Variants in MVK observed in about 807,000 individuals in gnomAD.
MVK encodes the protein LH receptor mRNA-binding protein.
Under a neutral mutation model 43.2 loss-of-function variants are expected in MVK, and 34 were observed. The observed-to-expected ratio is 0.79, with a 90% CI of 0.60 to 1.05. The LOEUF (loss-of-function observed/expected upper bound fraction) is 1.05. MVK is among the 50% of genes least tolerant of loss of function. The probability of loss-of-function intolerance (pLI) is 0.00; values close to 1 mark genes in which losing one functional copy is unlikely to be tolerated. For synonymous variants in MVK, 190 were observed against 219.8 expected (o/e 0.86, Z 1.20); for missense variants, 395 against 504.0 (o/e 0.78, Z 2.07).
At chr12:109,593,629 G>C (rs985865829) in intron 9 of MVK, among the ~76,000 whole-genome samples, 7 of 151,380 alleles carry the variant, frequency 4.6e-5, no homozygotes, top group Admixed American at 6.6e-5. Context: ...TGATGCTAAC[G>C]TACCCATAAA....
chr12:109,576,198 C>A, intron 3 of MVK, 53 bp downstream of exon 3: 1 of 1,610,780 alleles, frequency 6.2e-7, no homozygotes, highest in Non-Finnish European at 8.5e-7. Context: ...GAGAGGGCAG[C>A]TGGCCAGGTA....
intron 3 of MVK, among the ~76,000 whole-genome samples, chr12:109,577,894 A>G (rs1039343902): frequency 2.6e-5 from 4 of 152,212 alleles, no homozygotes; most frequent in African/African-American, 9.7e-5. Flanking sequence ...CAAGGTGCAC[A>G]GGGCCACCCA....
chr12:109,579,420 A>T, intron 3 of MVK: 1 of 357,378 alleles, frequency 2.8e-6, no homozygotes, highest in Non-Finnish European at 5.5e-6. Flanking sequence ...GGTTACAGGC[A>T]TAAGCGCCTG....
In MVK at chr12:109,595,286, C is replaced by T; in HGVS notation, c.1039+105C>T. 3.5e-6 allele frequency: 5 copies of T among 1,445,630 alleles called. No homozygotes were observed. Among genetic ancestry groups the T allele is most frequent in the Non-Finnish European group, 4.7e-6 (5 of 1,065,400 alleles). 89.6% of individuals were successfully genotyped at this position (1,445,630 alleles called of 1,614,324 possible). On this transcript the variant is annotated intron_variant, in intron 10 of 10. Coordinates refer to ENST00000228510, the MANE Select transcript of MVK (RefSeq NM_000431.4). The surrounding 1 kb of genome is among the most constrained non-coding windows in gnomAD (Gnocchi z 5.9). Reference sequence around the variant, plus strand: ...AAAGAGACCTGGAAACAGGTCTCAGCTCCGCTGTGTGGCCTTGGGCAAGTT... The same window carrying T: ...AAAGAGACCTGGAAACAGGTCTCAGTTCCGCTGTGTGGCCTTGGGCAAGTT...
chr12:109,581,728 G>T (rs1885227024), intron 5 of MVK, among the ~76,000 whole-genome samples, 178 bp downstream of exon 5: 1 of 152,172 alleles, frequency 6.6e-6, no homozygotes, highest in Non-Finnish European at 1.5e-5. Context: ...CACAGCTAGT[G>T]CTGGCAGAGT....
intron 4 of MVK, among the ~76,000 whole-genome samples, chr12:109,580,665 C>T (rs1344447022): frequency 1.3e-5 from 2 of 152,112 alleles, no homozygotes; most frequent in South Asian, 2.1e-4. Context: ...AATTTGAAGA[C>T]GCACATTATT....
chr12:109,585,010 A>G (rs1478447131), intron 5 of MVK, among the ~76,000 whole-genome samples: 1 of 152,234 alleles, frequency 6.6e-6, no homozygotes, highest in Non-Finnish European at 1.5e-5. Context: ...GCAGAAAGGA[A>G]ACAAAAGCTG....
At chr12:109,576,253 G>C in intron 3 of MVK, 108 bp downstream of exon 3, 1 of 1,417,832 alleles carries the variant, frequency 7.1e-7, no homozygotes, top group Non-Finnish European at 9.8e-7. Flanking sequence ...TATTTCCCGG[G>C]TGTTTTCTAC....
intron 9 of MVK, among the ~76,000 whole-genome samples, chr12:109,592,811 C>T (rs1054916330): frequency 1.3e-5 from 2 of 152,166 alleles, no homozygotes; most frequent in Non-Finnish European, 2.9e-5. Context: ...CCATCGAATT[C>T]CTGTGTTTCG....
chr12:109,574,105 A>T (rs1028471850), intron 1 of MVK, among the ~76,000 whole-genome samples: 1 of 152,228 alleles, frequency 6.6e-6, no homozygotes, highest in African/African-American at 2.4e-5. Context: ...CTTAGCTCAT[A>T]GTACACCTGA....
At position 109,596,827 on chromosome 12, in the gene MVK, T is replaced by G; in HGVS notation, c.*250T>G. The G allele has an allele frequency of 1.7e-6, 1 of 582,818 alleles. No individual in the cohort carries two copies. The allele number at this position is 582,818 out of a possible 1,614,324, so 36.1% of individuals were successfully genotyped here. A position where few individuals can be genotyped will look rare whatever the true frequency, so the allele number is the denominator to read the frequency against. ...GGAGGGTCCTCTGAGACTCCAGACC[T>G]GAGGCGAGAAGGGCTGCTTCCCTGA... is the stretch of plus-strand genomic sequence containing the variant. On this transcript the variant is annotated 3_prime_UTR_variant, in exon 11 of 11. Transcript: ENST00000228510.
At chr12:109,587,965 C>T (rs1420620971) in intron 7 of MVK, 2 of 152,292 alleles carry the variant, frequency 1.3e-5, no homozygotes, top group African/African-American at 4.8e-5. Flanking sequence ...CCAGACATTG[C>T]TTAGTGTCCC....
chr12:109,582,603 TCCCACCCCAC>T (rs3842306), intron 5 of MVK, among the ~76,000 whole-genome samples: 2 of 144,340 alleles, frequency 1.4e-5, no homozygotes, highest in African/African-American at 2.6e-5. Context: ...AGAGTAGACC[TCCCACCCCAC>T]CCCACCCCAC....
At chr12:109,574,127 A>G (rs1389983509) in intron 1 of MVK, among the ~76,000 whole-genome samples, 1 of 152,204 alleles carries the variant, frequency 6.6e-6, no homozygotes, top group East Asian at 1.9e-4. Flanking sequence ...TCTTAGCGTA[A>G]GGTAATCTAC....
At chr12:109,589,447 T>C (rs1885579607) in intron 7 of MVK, 2 of 152,116 alleles carry the variant, frequency 1.3e-5, no homozygotes, top group Admixed American at 1.3e-4. Context: ...CAACCATGCG[T>C]GGTGCCTCTC....
chr12:109,583,345 G>A (rs920517412), intron 5 of MVK, among the ~76,000 whole-genome samples: 20 of 151,768 alleles, frequency 1.3e-4, no homozygotes, highest in African/African-American at 7.3e-5. Flanking sequence ...GAGAATATGC[G>A]GTGTTTGGTT....
In MVK at chr12:109,576,116, G is replaced by A. The variant is rs757565098; in HGVS notation, c.197G>A (p.Arg66Lys). Residue 66 changes from arginine (R) to lysine (K), a missense_variant, in exon 3 of 11, where the codon AGG becomes AAG. Transcript: ENST00000228510. Reference protein sequence around the residue: ...IGIKRAWDVARLQSLDTSFLE... With the variant: ...IGIKRAWDVAKLQSLDTSFLE... Reference sequence around the variant, plus strand: ...ATCAAGCGGGCCTGGGATGTGGCCAGGCTTCAGTCACTGGACACAAGCTTT... The same window carrying A: ...ATCAAGCGGGCCTGGGATGTGGCCAAGCTTCAGTCACTGGACACAAGCTTT... 3.7e-6 allele frequency: 6 copies of A among 1,614,058 alleles called. No homozygotes were observed. In the African/African-American group the frequency reaches 8.0e-5, roughly 22 times the overall value.
At chr12:109,588,379 A>G (rs1467363492) in intron 7 of MVK, 1 of 152,262 alleles carries the variant, frequency 6.6e-6, no homozygotes, top group Non-Finnish European at 1.5e-5. Flanking sequence ...TAAGCACTGG[A>G]CTAGGCCCTG....
At chr12:109,579,067 C>A in intron 3 of MVK, 1 of 322,034 alleles carries the variant, frequency 3.1e-6, no homozygotes, top group South Asian at 2.4e-5. Flanking sequence ...GAAACCTAGG[C>A]CCTTGTGCGA....
Sources: gnomAD v4.1 joint callset for allele counts (sites outside exome capture counted in the v4.1 genomes callset) on GRCh38, gnomAD v4.1.1 for gene constraint, Gnocchi (gnomAD v3.1) non-coding constraint, MANE v1.5 for transcripts, NCBI Gene and HGNC (gene_info 2026-07-23, HGNC 2026-07-21) for gene names.